The following WDFY4 variants were observed in gnomAD, a reference collection of about 807,000 sequenced individuals.
WDFY4 encodes WDFY family member 4, also known as WD repeat- and FYVE domain-containing protein 4.
A neutral mutation model predicts 351.9 loss-of-function variants in WDFY4; 169 were observed. The observed-to-expected ratio is 0.48, with a 90% CI of 0.42 to 0.55. The LOEUF (loss-of-function observed/expected upper bound fraction) is 0.55, where lower values mean the gene tolerates loss of function less well. WDFY4 is among the 20% of genes least tolerant of loss of function. The pLI, the probability that WDFY4 is intolerant of heterozygous loss-of-function variation, is 0.00. For synonymous variants in WDFY4, 1,622 were observed against 1,574.6 expected, an observed-to-expected ratio of 1.03 and a Z score of -0.71; for missense variants, 3,803 against 3,935.6, an observed-to-expected ratio of 0.97 and a Z score of 0.90.
chr10:48,982,542 G>C lies in WDFY4; in HGVS notation c.9522G>C (p.Arg3174Ser). 3.9e-6 allele frequency: 6 copies of C among 1,539,814 alleles called. No homozygotes were observed. Among genetic ancestry groups the C allele is most frequent in the Non-Finnish European group, 5.3e-6 (6 of 1,139,408 alleles). ...CCAAACTCCTGGTTGGTGATGAGAGGGGGAGAATATTCTGCTGGTCTGCAG... is the reference window on the plus strand; with the variant it reads ...CCAAACTCCTGGTTGGTGATGAGAGCGGGAGAATATTCTGCTGGTCTGCAG... ...NHTKLLVGDE[R>S]GRIFCWSADG The change falls in exon 62 of 62, where the codon AGG (arginine) becomes AGC (serine). Residue 3174 changes from arginine to serine, a missense_variant. By Grantham distance (110) the Arg-to-Ser change is moderately radical. This residue lies in a region of WDFY4 where 3,054 missense variants were observed against 3,148.6 expected (regional missense o/e 0.97). Transcript: ENST00000325239.
In WDFY4 at chr10:48,875,115, T is replaced by A. The variant is rs972217553; in HGVS notation, c.6975T>A (p.Ile2325=). Residue 2325 remains isoleucine (I), a synonymous_variant, in exon 42 of 62, where the codon ATT becomes ATA. Transcript: ENST00000325239. ...HKESQDKNDH[I]SQTNAENQDE... ...AAAGCCAAGACAAAAATGATCATAT[T>A]TCTCAAACAAATGCTGAAAACCAAG... The A allele has an allele frequency of 6.5e-5, 97 of 1,492,886 alleles. 1 individual carries two copies. In the East Asian group the frequency reaches 2.4e-3, roughly 37 times the overall value. The allele number at this position is 1,492,886 out of a possible 1,614,324, so 92.5% of individuals were successfully genotyped here.
At chr10:48,844,781 G>T (rs2068720770) in intron 39 of WDFY4, among the ~76,000 whole-genome samples, 2 of 152,188 alleles carry the variant, frequency 1.3e-5, no homozygotes, top group South Asian at 4.1e-4. Context: ...TCAAGCCTAA[G>T]GCCTGCTGTG....
chr10:48,966,803 TC>T, intron 55 of WDFY4, 130 bp downstream of exon 55: 1 of 1,261,976 alleles, frequency 7.9e-7, no homozygotes, highest in Non-Finnish European at 1.1e-6. Flanking sequence ...TGGCTGCATC[TC>T]CAGTCACAGC....
In WDFY4 at chr10:48,743,315, T is replaced by G; in HGVS notation, c.2226T>G (p.Phe742Leu). Residue 742 changes from phenylalanine (F) to leucine (L), a missense_variant, in exon 12 of 62, where the codon TTT (phenylalanine) becomes TTG (leucine). Physicochemically the swap from Phe to Leu is conservative, Grantham distance 22 (BLOSUM62 0). Around this residue, in one of 3 missense-constraint regions of WDFY4, gnomAD observed 3,054 missense variants for 3,148.6 expected, o/e 0.97. Coordinates refer to ENST00000325239, the MANE Select transcript of WDFY4 (RefSeq NM_001394531.1). ...GGGTGGACACAAAGGCCAGGCCATT[T>G]GCAGATTTGCTGGGCACTGCCTTTT... ...RSWVDTKARP[F>L]ADLLGTAFSS... The G allele has an allele frequency of 6.4e-7, 1 of 1,551,636 alleles. No homozygotes were observed. The highest frequency in any genetic ancestry group is 2.4e-5 in the East Asian group (1 of 40,920).
intron 23 of WDFY4, among the ~76,000 whole-genome samples, chr10:48,792,398 C>A (rs529441361): frequency 2.0e-5 from 3 of 152,288 alleles, no homozygotes; most frequent in Non-Finnish European, 4.4e-5. Flanking sequence ...TCTAAAGATC[C>A]TAAGGTTTTT....
intron 31 of WDFY4, 94 bp downstream of exon 31, chr10:48,814,176 A>G: frequency 7.1e-7 from 1 of 1,407,850 alleles, no homozygotes; most frequent in South Asian, 1.5e-5. Context: ...GCATCTTCCC[A>G]CTAATGCAAG....
At position 48,743,287 on chromosome 10, in the gene WDFY4, C is replaced by T. The variant is rs2064910645; in HGVS notation, c.2198C>T (p.Ser733Phe). The T allele has an allele frequency of 1.9e-6, 3 of 1,551,694 alleles. No individual in the cohort carries two copies. Among genetic ancestry groups the T allele is most frequent in the Non-Finnish European group, 2.6e-6 (3 of 1,146,992 alleles). The change falls in exon 12 of 62, where the codon TCT (serine) becomes TTT (phenylalanine). Residue 733 changes from serine (S) to phenylalanine (F), a missense_variant. Around this residue, in one of 3 missense-constraint regions of WDFY4, gnomAD observed 3,054 missense variants for 3,148.6 expected, o/e 0.97. Coordinates refer to ENST00000325239, the MANE Select transcript of WDFY4 (RefSeq NM_001394531.1). ...GAGGAAGAGGGCAACCTGCTGCGCT[C>T]TTGGGTGGACACAAAGGCCAGGCCA... ...ALEEEGNLLR[S>F]WVDTKARPFA...
At chr10:48,965,201 T>G (rs998423050) in intron 54 of WDFY4, among the ~76,000 whole-genome samples, 1 of 152,246 alleles carries the variant, frequency 6.6e-6, no homozygotes, top group African/African-American at 2.4e-5. Context: ...TCATAGCCCT[T>G]GTCCACAGCA....
intron 24 of WDFY4, among the ~76,000 whole-genome samples, chr10:48,797,212 T>TCTC (rs1189006204): frequency 6.6e-6 from 1 of 152,118 alleles, no homozygotes; most frequent in East Asian, 1.9e-4. Flanking sequence ...CCATGGGGAC[T>TCTC]TGAGAGCAAG....
At position 48,784,067 on chromosome 10, in the gene WDFY4, C is replaced by T. The variant is rs551867486; in HGVS notation, c.3577-2572C>T. On this transcript the variant is annotated intron_variant, in intron 19 of 61. Coordinates refer to ENST00000325239, the MANE Select transcript of WDFY4 (RefSeq NM_001394531.1). ...AGTAGTATTTCAAGGTATGGATGTG[C>T]CATAGTTTGTTTAGTCATTTATCCA... 1.8e-4 allele frequency among the ~76,000 whole-genome samples: 27 copies of T among 152,260 alleles called. 1 individual carries two copies. In the South Asian group the frequency reaches 3.9e-3, roughly 22 times the overall value.
chr10:48,973,592 G>A (rs547082577), intron 57 of WDFY4, among the ~76,000 whole-genome samples: 20 of 152,340 alleles, frequency 1.3e-4, no homozygotes, highest in South Asian at 1.2e-3. Context: ...TGCCACCTCC[G>A]TGCCCCTCCG....
At chr10:48,904,981 A>G (rs1837544206) in intron 47 of WDFY4, among the ~76,000 whole-genome samples, 1 of 152,202 alleles carries the variant, frequency 6.6e-6, no homozygotes, top group Non-Finnish European at 1.5e-5. Context: ...TCCAAGCCGC[A>G]GCACTCATGG....
intron 13 of WDFY4, among the ~76,000 whole-genome samples, chr10:48,771,489 T>C (rs2065864291): frequency 6.6e-6 from 1 of 152,170 alleles, no homozygotes; most frequent in Non-Finnish European, 1.5e-5. Context: ...GCATAATCCA[T>C]ACATGTCAAA....
intron 19 of WDFY4, among the ~76,000 whole-genome samples, chr10:48,784,411 A>G (rs2132680951): frequency 6.8e-6 from 1 of 146,644 alleles, no homozygotes; most frequent in East Asian, 2.0e-4. Flanking sequence ...TTTAATTTGT[A>G]TTTCCTTAGT....
chr10:48,900,388 C>A, intron 46 of WDFY4, 82 bp downstream of exon 46: 4 of 1,333,786 alleles, frequency 3.0e-6, no homozygotes, highest in Non-Finnish European at 4.1e-6. Flanking sequence ...GCTCTGTGCT[C>A]AGGAAAAGTG....
intron 35 of WDFY4, chr10:48,823,372 G>C: frequency 8.0e-7 from 1 of 1,246,612 alleles, no homozygotes; most frequent in Non-Finnish European, 1.0e-6. Context: ...CAGCAGTCCT[G>C]GTTATGCCCT....
At chr10:48,809,512 C>A (rs201140987) in intron 28 of WDFY4, among the ~76,000 whole-genome samples, 1 of 151,330 alleles carries the variant, frequency 6.6e-6, no homozygotes, top group Non-Finnish European at 1.5e-5. Flanking sequence ...CCATCAACAT[C>A]ATCACCATCA....
At position 48,871,156 on chromosome 10, in the gene WDFY4, C is replaced by T. The variant is rs544410328; in HGVS notation, c.6742-2335C>T. On this transcript the variant is annotated intron_variant, in intron 40 of 61. Transcript: ENST00000325239. ...TTCACCGTGTTAGCCAGGATGGTCT[C>T]GATCTCCTGACCTCGTGATCCGCCT... 1.4e-3 allele frequency among the ~76,000 whole-genome samples: 213 copies of T among 152,174 alleles called. 1 individual carries two copies. The highest frequency in any genetic ancestry group is 4.8e-3 in the African/African-American group (199 of 41,528).
rs1589475839 is a variant in WDFY4, at chr10:48,731,675, A to C, written c.1582+113A>C. 99 of 1,236,902 alleles carry C rather than the reference A, an allele frequency of 8.0e-5. 4 individuals carry two copies. In the South Asian group the frequency reaches 1.5e-3, roughly 19 times the overall value. The allele number at this position is 1,236,902 out of a possible 1,614,324, so 76.6% of individuals were successfully genotyped here. ...AACAGAAAGTGAGCATGCCCATGTC[A>C]CTGGGAAGGTATGCTTGGGACACAC... On this transcript the variant is annotated intron_variant, in intron 9 of 61. Coordinates refer to ENST00000325239, the MANE Select transcript of WDFY4 (RefSeq NM_001394531.1).
Sources: allele counts gnomAD v4.1 joint callset (sites outside exome capture counted in the v4.1 genomes callset), GRCh38; gene constraint gnomAD v4.1.1; regional missense constraint gnomAD v4.1.1; transcripts MANE v1.5; gene names NCBI Gene and HGNC (gene_info 2026-07-23, HGNC 2026-07-21).